NAV1: variants seen among roughly 807,000 people sequenced by gnomAD.
NAV1 encodes the protein pore membrane and/or filament interacting like protein 3.
In NAV1, 18 loss-of-function variants were observed where a neutral mutation model predicts 175.2. That is an observed-to-expected ratio of 0.10 (90% CI 0.07 to 0.15). The LOEUF (loss-of-function observed/expected upper bound fraction) is 0.15. NAV1 is among the 10% of genes least tolerant of loss of function. The pLI is 1.00. For synonymous variants in NAV1, 897 were observed against 978.7 expected (o/e 0.92, Z 1.56); for missense variants, 1,731 against 2,436.6 (o/e 0.71, Z 6.10).
At chr1:201,575,219 C>A (rs899195778) in intron 1 of NAV1, among the ~76,000 whole-genome samples, 1 of 152,166 alleles carries the variant, frequency 6.6e-6, no homozygotes. Flanking sequence ...GGGAGAGGAC[C>A]AGAGACAGAG....
At chr1:201,600,786 G>A (rs527676445) in intron 2 of NAV1, among the ~76,000 whole-genome samples, 15 of 152,228 alleles carry the variant, frequency 9.9e-5, no homozygotes, top group Admixed American at 2.0e-4. Context: ...CTCCTGAGCC[G>A]AAAAGCCCTC....
intron 2 of NAV1, among the ~76,000 whole-genome samples, chr1:201,632,744 C>T (rs577147347): frequency 6.6e-6 from 1 of 152,190 alleles, no homozygotes; most frequent in South Asian, 2.1e-4. Context: ...CCTTCTCACA[C>T]GAGGGTTGAT....
Position 201,808,679 on chromosome 1 carries a change from C to G in NAV1, c.4039-24C>G. On this transcript the variant is annotated intron_variant, in intron 19 of 29. Transcript: ENST00000367296. This position sits in a 1 kb window ranked among gnomAD's most constrained non-coding sequence, Gnocchi z 5.5. ...CTTGCTGTCTGTCCAGTCTGCCACCCTACCCTGTCTGTTCTTGCCACAGTT... is the reference window on the plus strand; with the variant it reads ...CTTGCTGTCTGTCCAGTCTGCCACCGTACCCTGTCTGTTCTTGCCACAGTT... The G allele has an allele frequency of 2.5e-6, 4 of 1,614,250 alleles. No individual in the cohort carries two copies. In the South Asian group the frequency reaches 3.3e-5, roughly 13 times the overall value.
At chr1:201,698,671 C>T (rs541716340) in intron 1 of NAV1, among the ~76,000 whole-genome samples, 64 of 152,324 alleles carry the variant, frequency 4.2e-4, no homozygotes, top group South Asian at 8.3e-4. Context: ...ATAGGCAGAA[C>T]TACTCCCATC....
intron 2 of NAV1, among the ~76,000 whole-genome samples, chr1:201,603,836 C>G (rs571223362): frequency 1.3e-5 from 2 of 152,288 alleles, no homozygotes; most frequent in African/African-American, 4.8e-5. Flanking sequence ...GAAGCCAGGT[C>G]TTTGGGCATC....
chr1:201,822,586 C>T (rs2102850582), exon 30 of NAV1: 1 of 152,708 alleles, frequency 6.5e-6, no homozygotes, highest in South Asian at 2.1e-4. Context: ...TATTTGGATC[C>T]TCAGCAGGTT....
intron 3 of NAV1, among the ~76,000 whole-genome samples, chr1:201,774,074 C>A (rs765716486): frequency 4.6e-5 from 7 of 152,216 alleles, no homozygotes; most frequent in South Asian, 2.1e-4. Context: ...GAGGTCTCTG[C>A]ATTCTTTGTT....
intron 2 of NAV1, among the ~76,000 whole-genome samples, chr1:201,602,835 TC>T (rs1667564608): frequency 6.6e-6 from 1 of 151,734 alleles, no homozygotes; most frequent in Non-Finnish European, 1.5e-5. Context: ...CTTTCACCAG[TC>T]CCCCTCAGCC....
intron 2 of NAV1, among the ~76,000 whole-genome samples, chr1:201,599,986 G>A (rs567872367): frequency 2.6e-5 from 4 of 152,354 alleles, no homozygotes; most frequent in South Asian, 4.1e-4. Context: ...CACAGGCCAA[G>A]CTCTGGGCTC....
rs534520463 is a variant in NAV1 at position 201,775,883 on chromosome 1, C to G, written c.1227-4538C>G. On this transcript the variant is annotated intron_variant, in intron 3 of 29. Coordinates refer to ENST00000367296, the Ensembl canonical transcript of NAV1. Reference sequence around the variant, plus strand: ...GACCAGCCTGAACAACATAGTGAGACCCTGGCTCTACAAAAATTTTAAAGT... The same window carrying G: ...GACCAGCCTGAACAACATAGTGAGAGCCTGGCTCTACAAAAATTTTAAAGT... 2.0e-5 allele frequency among the ~76,000 whole-genome samples: 3 copies of G among 151,978 alleles called. No homozygotes were observed. The East Asian group carries it at 5.8e-4, about 30-fold the overall frequency.
At chr1:201,604,709 G>A (rs1667623488) in intron 2 of NAV1, among the ~76,000 whole-genome samples, 1 of 143,160 alleles carries the variant, frequency 7.0e-6, no homozygotes, top group Non-Finnish European at 1.5e-5. Flanking sequence ...AAGAAAGAAA[G>A]AGAAAGGAAA....
chr1:201,819,255 G>A (rs1228238104), intron 29 of NAV1, among the ~76,000 whole-genome samples: 2 of 152,158 alleles, frequency 1.3e-5, no homozygotes, highest in East Asian at 3.8e-4. Context: ...CCTGCAGGCA[G>A]AAGTGGTCTC....
chr1:201,544,478 C>T (rs1432533431), intron 1 of NAV1, among the ~76,000 whole-genome samples: 7 of 152,176 alleles, frequency 4.6e-5, no homozygotes, highest in African/African-American at 1.7e-4. Flanking sequence ...TTTTCTATTC[C>T]AGATACATCA....
intron 3 of NAV1, chr1:201,740,000 G>A: frequency 6.8e-7 from 1 of 1,461,958 alleles, no homozygotes; most frequent in Non-Finnish European, 9.1e-7. Flanking sequence ...CCCACCCGGT[G>A]AATGGCCGCC....
chr1:201,648,717 AGCG>A (rs1198231776), exon 1 of NAV1: 34 of 1,419,628 alleles, frequency 2.4e-5, no homozygotes, highest in South Asian at 1.4e-4. Context: ...GGAGCTGAGC[AGCG>A]GCGGCGGCGA....
At chr1:201,811,942 G>A in exon 26 of NAV1, 3 of 1,614,082 alleles carry the variant, frequency 1.9e-6, no homozygotes, top group Non-Finnish European at 2.5e-6. Context: ...CTGTAAAAAT[G>A]ACACCCAACC....
exon 1 of NAV1, chr1:201,623,162 A>G (rs1298343025): frequency 1.0e-6 from 1 of 985,930 alleles, no homozygotes; most frequent in Non-Finnish European, 1.2e-6. Context: ...GAGGATGGGG[A>G]AGGCCCCTTC....
intron 15 of NAV1, among the ~76,000 whole-genome samples, chr1:201,799,792 A>G (rs1345428563): frequency 1.3e-5 from 2 of 151,894 alleles, no homozygotes; most frequent in African/African-American, 2.4e-5. Context: ...CCTGGGAGGC[A>G]GAGGTTGCAG....
intron 4 of NAV1, among the ~76,000 whole-genome samples, chr1:201,780,802 A>T (rs1676275602): frequency 6.6e-6 from 1 of 151,918 alleles, no homozygotes; most frequent in South Asian, 2.1e-4. Flanking sequence ...AGAGTGATAC[A>T]TGTAAGAGCT....
Sources: allele counts gnomAD v4.1 joint callset (sites outside exome capture counted in the v4.1 genomes callset), GRCh38; gene constraint gnomAD v4.1.1; non-coding constraint Gnocchi (gnomAD v3.1); transcripts MANE v1.5; gene names NCBI Gene and HGNC (gene_info 2026-07-23, HGNC 2026-07-21).